ADAM22: variants seen among roughly 807,000 people sequenced by gnomAD.
ADAM22 encodes disintegrin and metalloproteinase domain-containing protein 22.
ADAM22 carries 65 observed loss-of-function variants against 144.6 expected under a neutral mutation model. That is an observed-to-expected ratio of 0.45 (90% CI 0.37 to 0.55). The LOEUF is 0.55. Among genes scored for constraint, ADAM22 ranks in the 20% least tolerant of loss-of-function variants. The pLI, the probability that ADAM22 is intolerant of heterozygous loss-of-function variation, is 0.00. For missense variants in ADAM22, 974 were observed against 1,184.9 expected, an observed-to-expected ratio of 0.82 and a Z score of 2.61; for synonymous variants, 391 against 412.6, an observed-to-expected ratio of 0.95 and a Z score of 0.63.
At chr7:88,014,620 G>GT (rs1796153942) in intron 3 of ADAM22, among the ~76,000 whole-genome samples, 1 of 152,102 alleles carries the variant, frequency 6.6e-6, no homozygotes, top group East Asian at 1.9e-4. Flanking sequence ...GCAGACACCT[G>GT]TAATCCCAGC....
rs141504879 is a variant in ADAM22 at position 88,028,067 on chromosome 7, G to A, written c.324-47559G>A. On this transcript the variant is annotated intron_variant, in intron 3 of 31. Transcript: ENST00000413139. Reference sequence around the variant, plus strand: ...CCCAAAGTGGTGGGATTACAGGCATGAGCCACTGTGTCCAGCCTTTTTTCT... The same window carrying A: ...CCCAAAGTGGTGGGATTACAGGCATAAGCCACTGTGTCCAGCCTTTTTTCT... Among the ~76,000 whole-genome samples the A allele has an allele frequency of 6.4e-3, 979 of 152,330 alleles. 12 individuals carry two copies. The highest frequency in any genetic ancestry group is 0.023 in the African/African-American group (945 of 41,558).
intron 3 of ADAM22, among the ~76,000 whole-genome samples, chr7:88,070,672 A>G (rs78733148): frequency 0.032 from 4,864 of 152,098 alleles, 289 homozygotes; most frequent in African/African-American, 0.11. Flanking sequence ...TTCACTGTCA[A>G]GTTGTTACTA....
At chr7:88,024,866 A>C (rs990546685) in intron 3 of ADAM22, among the ~76,000 whole-genome samples, 1 of 152,080 alleles carries the variant, frequency 6.6e-6, no homozygotes, top group Non-Finnish European at 1.5e-5. Flanking sequence ...CCATGTCCCT[A>C]CAAAGGACAT....
At position 88,151,408 on chromosome 7, in the gene ADAM22, CTACTT is replaced by C. The variant is rs1838341231; in HGVS notation, c.1681+91_1681+95del. The C allele has an allele frequency of 4.1e-6, 6 of 1,458,112 alleles. No homozygotes were observed. The South Asian group carries it at 5.8e-5, about 14-fold the overall frequency. 90.3% of individuals were successfully genotyped at this position (1,458,112 alleles called of 1,614,324 possible). A position where few individuals can be genotyped will look rare whatever the true frequency, so the allele number is the denominator to read the frequency against. On this transcript the variant is annotated intron_variant, in intron 20 of 31. Coordinates refer to ENST00000413139, the MANE Select transcript of ADAM22 (RefSeq NM_001324418.2). ...GTGTGTGCTGGAAGTAAATTTTTGA[CTACTT>C]TATGACTGGGGGATTCTCAAAGCTA...
chr7:88,118,790 G>T (rs1828505429), intron 7 of ADAM22, among the ~76,000 whole-genome samples: 1 of 151,772 alleles, frequency 6.6e-6, no homozygotes, highest in Admixed American at 6.6e-5. Context: ...ACTCAGGTCT[G>T]TTTCAATCAG....
rs141165315 is a variant in ADAM22 at position 87,958,478 on chromosome 7, C to T, written c.247-19858C>T. Among the ~76,000 whole-genome samples, 248 of 151,926 alleles carry T rather than the reference C, an allele frequency of 1.6e-3. 1 individual carries two copies. Among genetic ancestry groups the T allele is most frequent in the Non-Finnish European group, 2.5e-3 (169 of 67,984 alleles). ...TCGGCTCACTGCAAACTCTGCCTCC[C>T]GGGTTCAAGTGATTCTCCTACCTCA... On this transcript the variant is annotated intron_variant, in intron 2 of 31. Coordinates refer to ENST00000413139, the MANE Select transcript of ADAM22 (RefSeq NM_001324418.2).
At chr7:88,094,783 AT>A (rs1275384762) in intron 4 of ADAM22, among the ~76,000 whole-genome samples, 4 of 152,324 alleles carry the variant, frequency 2.6e-5, no homozygotes, top group South Asian at 4.1e-4. Context: ...AATAAAAAAA[AT>A]AAACTTCTTG....
chr7:88,035,012 A>T (rs1160731597), intron 3 of ADAM22, among the ~76,000 whole-genome samples: 1 of 152,118 alleles, frequency 6.6e-6, no homozygotes, highest in Non-Finnish European at 1.5e-5. Flanking sequence ...GTTCTTATGT[A>T]AGTGTTTTTC....
chr7:87,971,222 A>G (rs752977775), intron 2 of ADAM22, among the ~76,000 whole-genome samples: 2 of 152,200 alleles, frequency 1.3e-5, no homozygotes, highest in Non-Finnish European at 2.9e-5. Context: ...TTCTTGTCAT[A>G]TCTTCTAAAA....
intron 3 of ADAM22, among the ~76,000 whole-genome samples, chr7:88,017,401 T>G (rs1796772856): frequency 6.6e-6 from 1 of 152,158 alleles, no homozygotes; most frequent in Admixed American, 6.5e-5. Context: ...ATAATTATTA[T>G]GCGTCAACTA....
chr7:88,182,380 A>G lies in ADAM22; in HGVS notation c.2663+356A>G, dbSNP rs550890004. Among the ~76,000 whole-genome samples the G allele has an allele frequency of 3.6e-3, 547 of 152,234 alleles. 4 individuals carry two copies. The highest frequency in any genetic ancestry group is 6.3e-3 in the Non-Finnish European group (426 of 67,994). On this transcript the variant is annotated intron_variant, in intron 29 of 31. Transcript: ENST00000413139. ...CAAAGGGTCACCCTTCCTCTCCCCAATACTCACACAGCCTTGTAAGCATCG... is the reference window on the plus strand; with the variant it reads ...CAAAGGGTCACCCTTCCTCTCCCCAGTACTCACACAGCCTTGTAAGCATCG...
At chr7:88,065,211 T>A (rs1810927711) in intron 3 of ADAM22, among the ~76,000 whole-genome samples, 1 of 152,120 alleles carries the variant, frequency 6.6e-6, no homozygotes, top group South Asian at 2.1e-4. Flanking sequence ...TATATAATTG[T>A]TACATTCTCT....
At chr7:88,116,417 C>T (rs550871032) in intron 6 of ADAM22, among the ~76,000 whole-genome samples, 11 of 152,192 alleles carry the variant, frequency 7.2e-5, no homozygotes, top group Admixed American at 4.6e-4. Flanking sequence ...TGCAGGGATC[C>T]GTGAAAGGAA....
At position 88,155,795 on chromosome 7, in the gene ADAM22, A is replaced by G. The variant is rs546256416; in HGVS notation, c.1788-92A>G. ...ATGAGTAGATAATATACTTGATGAA[A>G]ACCAAATGCTAAAATGAGAGAAGAT... On this transcript the variant is annotated intron_variant, in intron 21 of 31. Transcript: ENST00000413139. The G allele has an allele frequency of 6.8e-6, 10 of 1,470,628 alleles. No individual in the cohort carries two copies. The East Asian group carries it at 2.3e-4, about 35-fold the overall frequency. 91.1% of individuals were successfully genotyped at this position (1,470,628 alleles called of 1,614,324 possible).
At chr7:88,180,766 T>C (rs927848109) in intron 27 of ADAM22, among the ~76,000 whole-genome samples, 4 of 152,146 alleles carry the variant, frequency 2.6e-5, no homozygotes, top group Non-Finnish European at 5.9e-5. Flanking sequence ...CTGAAGTATA[T>C]GTAGCTTGTT....
At position 88,102,236 on chromosome 7, in the gene ADAM22, T is replaced by C. The variant is rs1373012958; in HGVS notation, c.391-5940T>C. Among the ~76,000 whole-genome samples the C allele has an allele frequency of 6.8e-4, 103 of 152,160 alleles. 2 individuals carry two copies. ...TTAGAGTTAACAATTCCAGATTTGATCATCAAAATCATGTAGAGGAACTTT... is the reference window on the plus strand; with the variant it reads ...TTAGAGTTAACAATTCCAGATTTGACCATCAAAATCATGTAGAGGAACTTT... On this transcript the variant is annotated intron_variant, in intron 4 of 31. Coordinates refer to ENST00000413139, the MANE Select transcript of ADAM22 (RefSeq NM_001324418.2).
chr7:87,961,738 A>T (rs1451799662), intron 2 of ADAM22, among the ~76,000 whole-genome samples: 1 of 152,180 alleles, frequency 6.6e-6, no homozygotes, highest in Non-Finnish European at 1.5e-5. Flanking sequence ...ACATGTTAAT[A>T]TCTAGTTTCA....
At chr7:87,948,395 T>G (rs1844232040) in intron 2 of ADAM22, among the ~76,000 whole-genome samples, 1 of 152,176 alleles carries the variant, frequency 6.6e-6, no homozygotes, top group South Asian at 2.1e-4. Flanking sequence ...TCCATTCATT[T>G]GTTTCTGTTG....
At chr7:88,018,207 G>T (rs1796975896) in intron 3 of ADAM22, among the ~76,000 whole-genome samples, 1 of 152,174 alleles carries the variant, frequency 6.6e-6, no homozygotes, top group South Asian at 2.1e-4. Flanking sequence ...GGCCAAGAAA[G>T]AAGTGGTTTT....
Sources: gnomAD v4.1 joint callset for allele counts (sites outside exome capture counted in the v4.1 genomes callset) on GRCh38, gnomAD v4.1.1 for gene constraint, MANE v1.5 for transcripts, NCBI Gene and HGNC (gene_info 2026-07-23, HGNC 2026-07-21) for gene names.